Variants in STK3 observed in about 807,000 individuals in gnomAD.
The protein encoded by STK3 is serine/threonine kinase 3, also known as serine/threonine-protein kinase 3.
In STK3, 41 loss-of-function variants were observed where a neutral mutation model predicts 58.0. That is an observed-to-expected ratio of 0.71 (90% CI 0.55 to 0.92). The LOEUF is 0.92. STK3 is among the 40% of genes least tolerant of loss of function. STK3 has a pLI of 0.00. For missense variants in STK3, 479 were observed against 602.7 expected, an observed-to-expected ratio of 0.79 and a Z score of 2.15; for synonymous variants, 170 against 191.0, an observed-to-expected ratio of 0.89 and a Z score of 0.91.
Position 98,455,224 on chromosome 8 carries a change from A to C in STK3, c.*618T>G, listed in dbSNP as rs1200622222. 6.6e-6 allele frequency: 1 copy of C among 152,584 alleles called. No homozygotes were observed. The highest frequency in any genetic ancestry group is 2.4e-5 in the African/African-American group (1 of 41,436). 9.5% of individuals were successfully genotyped at this position (152,584 alleles called of 1,614,324 possible). The stretch of plus-strand genomic sequence containing the variant: ...AGGGTAAAAATGGAATTATTGCTTC[A>C]ATATAAAAAAGGCCTAGCCCATTTG... On this transcript the variant is annotated 3_prime_UTR_variant, in exon 11 of 11. Coordinates refer to ENST00000419617, the MANE Select transcript of STK3 (RefSeq NM_006281.4).
intron 6 of STK3, among the ~76,000 whole-genome samples, chr8:98,641,132 T>A (rs1819984930): frequency 1.3e-5 from 2 of 152,176 alleles, no homozygotes; most frequent in East Asian, 3.8e-4. Flanking sequence ...CAAGAAGATT[T>A]CCCTTTCTAG....
Position 98,580,436 on chromosome 8 carries a change from C to T in STK3, c.823-647G>A, listed in dbSNP as rs188025674. Among the ~76,000 whole-genome samples, 761 of 152,046 alleles carry T rather than the reference C, an allele frequency of 5.0e-3. 6 individuals carry two copies. The highest frequency in any genetic ancestry group is 7.8e-3 in the Non-Finnish European group (529 of 67,964). ...GAGAAGGAAAACTATCAGAATAGAC[C>T]TAGGTTTTGAATTTCTTTTTATTGA... On this transcript the variant is annotated intron_variant, in intron 7 of 10. Coordinates refer to ENST00000419617, the MANE Select transcript of STK3 (RefSeq NM_006281.4).
At chr8:98,460,195 C>A (rs556952554) in intron 10 of STK3, among the ~76,000 whole-genome samples, 1 of 152,178 alleles carries the variant, frequency 6.6e-6, no homozygotes, top group Non-Finnish European at 1.5e-5. Flanking sequence ...CAATGTGACC[C>A]GGATGTGAGA....
At chr8:98,900,366 C>A (rs1257046392) in intron 1 of STK3, among the ~76,000 whole-genome samples, 1 of 152,152 alleles carries the variant, frequency 6.6e-6, no homozygotes, top group Non-Finnish European at 1.5e-5. Context: ...CAGGCGTGAG[C>A]CACCATGCCC....
intron 6 of STK3, among the ~76,000 whole-genome samples, chr8:98,607,530 A>G (rs1349213792): frequency 6.6e-6 from 1 of 152,196 alleles, no homozygotes; most frequent in East Asian, 1.9e-4. Context: ...TTTAAAAAAT[A>G]CTCTTTTTAG....
At chr8:98,769,518 A>AG (rs1831162832) in intron 2 of STK3, among the ~76,000 whole-genome samples, 1 of 152,234 alleles carries the variant, frequency 6.6e-6, no homozygotes, top group South Asian at 2.1e-4. Flanking sequence ...TGGAACTATA[A>AG]GTCAATTAAA....
intron 6 of STK3, among the ~76,000 whole-genome samples, chr8:98,674,373 G>C (rs567372715): frequency 9.3e-4 from 142 of 152,166 alleles, no homozygotes; most frequent in African/African-American, 3.2e-3. Flanking sequence ...TGTTCAATTT[G>C]TGATGAATCA....
intron 6 of STK3, among the ~76,000 whole-genome samples, chr8:98,656,059 A>C (rs1821476558): frequency 1.3e-5 from 2 of 152,224 alleles, no homozygotes; most frequent in Admixed American, 6.5e-5. Context: ...GGCACTATTC[A>C]CAATAGCAAA....
chr8:98,821,643 T>G (rs374908554), intron 1 of STK3, among the ~76,000 whole-genome samples: 1 of 142,734 alleles, frequency 7.0e-6, no homozygotes, highest in Non-Finnish European at 1.5e-5. Flanking sequence ...GCCAGGGCGA[T>G]AGAGTAAGAC....
chr8:98,822,492 A>G (rs545853648), intron 1 of STK3, among the ~76,000 whole-genome samples: 1 of 152,248 alleles, frequency 6.6e-6, no homozygotes, highest in Admixed American at 6.5e-5. Context: ...TATCTTCTGG[A>G]TATCTAAAAT....
intron 6 of STK3, among the ~76,000 whole-genome samples, chr8:98,663,143 A>G (rs1822089065): frequency 6.6e-6 from 1 of 152,228 alleles, no homozygotes; most frequent in African/African-American, 2.4e-5. Flanking sequence ...ACAAAGGGCT[A>G]ATATCCAGAA....
intron 9 of STK3, among the ~76,000 whole-genome samples, chr8:98,527,526 G>A (rs1004951841): frequency 1.3e-5 from 2 of 152,116 alleles, no homozygotes; most frequent in South Asian, 4.2e-4. Context: ...GGACAGAGGC[G>A]GGAGGATCAC....
At chr8:98,756,098 G>T (rs181790852) in intron 3 of STK3, among the ~76,000 whole-genome samples, 1 of 151,790 alleles carries the variant, frequency 6.6e-6, no homozygotes, top group Non-Finnish European at 1.5e-5. Context: ...AGACGAGATC[G>T]TGCCACTGCA....
intron 8 of STK3, among the ~76,000 whole-genome samples, chr8:98,572,046 T>C (rs865829087): frequency 1.3e-5 from 2 of 152,332 alleles, no homozygotes; most frequent in Middle Eastern, 3.4e-3. Context: ...ATGTAGAATA[T>C]TTGCTTTGCT....
intron 8 of STK3, among the ~76,000 whole-genome samples, chr8:98,570,057 ATATAAAAATATATAT>A (rs943816725): frequency 1.4e-5 from 2 of 147,936 alleles, no homozygotes; most frequent in African/African-American, 4.9e-5. Flanking sequence ...ATATTAAAGA[ATATAAAAATATATAT>A]TGTAAAAATA....
intron 10 of STK3, among the ~76,000 whole-genome samples, chr8:98,471,807 C>T (rs1041251715): frequency 5.3e-5 from 8 of 152,206 alleles, no homozygotes; most frequent in African/African-American, 1.9e-4. Context: ...GTAAATCTGT[C>T]AACCAAAAAA....
At chr8:98,739,514 A>T (rs1053148411) in intron 4 of STK3, among the ~76,000 whole-genome samples, 7 of 149,444 alleles carry the variant, frequency 4.7e-5, no homozygotes, top group Non-Finnish European at 1.0e-4. Context: ...GCAAACTCCA[A>T]CACACCTGCA....
At chr8:98,538,240 C>A (rs1224593805) in intron 9 of STK3, among the ~76,000 whole-genome samples, 1 of 152,092 alleles carries the variant, frequency 6.6e-6, no homozygotes, top group East Asian at 1.9e-4. Context: ...CTTTAATTTG[C>A]TGCCAAGAGT....
chr8:98,817,770 T>C (rs1587696478), intron 1 of STK3, among the ~76,000 whole-genome samples: 1 of 152,308 alleles, frequency 6.6e-6, no homozygotes, highest in South Asian at 2.1e-4. Flanking sequence ...CTCCACTGAC[T>C]CTACCATCTC....
Sources: gnomAD v4.1 joint callset for allele counts (sites outside exome capture counted in the v4.1 genomes callset) on GRCh38, gnomAD v4.1.1 for gene constraint, MANE v1.5 for transcripts, NCBI Gene and HGNC (gene_info 2026-07-23, HGNC 2026-07-21) for gene names.